PTPRH: variants seen among roughly 807,000 people sequenced by gnomAD.
The protein encoded by PTPRH is protein tyrosine phosphatase receptor type H.
PTPRH carries 113 observed loss-of-function variants against 130.2 expected under a neutral mutation model. The observed-to-expected ratio is 0.87, with a 90% CI of 0.75 to 1.01. The LOEUF is 1.01. Ranked by LOEUF, PTPRH falls within the 50% of genes least tolerant of loss-of-function variation. The probability of loss-of-function intolerance (pLI) is 0.00; values close to 1 mark genes in which losing one functional copy is unlikely to be tolerated. For synonymous variants in PTPRH, 556 were observed against 577.9 expected (o/e 0.96, Z 0.54); for missense variants, 1,430 against 1,425.0 (o/e 1.00, Z -0.06).
chr19:55,196,514 C>T lies in PTPRH; in HGVS notation c.2257+8G>A. 1.2e-6 allele frequency: 2 copies of T among 1,605,872 alleles called. No individual in the cohort carries two copies. Among genetic ancestry groups the T allele is most frequent in the Non-Finnish European group, 1.7e-6 (2 of 1,176,274 alleles). On this transcript the variant is annotated splice_region_variant and intron_variant, in intron 10 of 19. Transcript: ENST00000376350. ...TCATAGCTGGCTGGCCCGCGCGGCT[C>T]CGCTCACCTGCACTCTCGGTGTGGC...
rs764919795 is a variant in PTPRH at position 55,203,861 on chromosome 19, G to A, written c.807C>T (p.Pro269=). The change falls in exon 5 of 20, where the codon CCC becomes CCT. Residue 269 remains proline, a synonymous_variant. Coordinates refer to ENST00000376350, the MANE Select transcript of PTPRH (RefSeq NM_002842.5). ...DTRVTVDGLG[P]GSLYTCSVWV... ...ACACAGAACACGTATACAATGACCC[G>A]GGTCCAAGGCCATCCACGGTGACTC... 3.8e-5 allele frequency: 61 copies of A among 1,613,968 alleles called. No homozygotes were observed. Among genetic ancestry groups the A allele is most frequent in the Non-Finnish European group, 4.7e-5 (55 of 1,180,032 alleles).
In PTPRH at chr19:55,200,291, T is replaced by C. The variant is rs1283202923; in HGVS notation, c.1365A>G (p.Val455=). 1.9e-6 allele frequency: 3 copies of C among 1,614,084 alleles called. No homozygotes were observed. Among genetic ancestry groups the C allele is most frequent in the Admixed American group, 3.3e-5 (2 of 59,990 alleles). ...CACGTGCTCCATTTTTTTCTGCCCA[T>C]ACAGAGAATGTGTACAAGGTTCCGG... ...LEPGTLYTFS[V]WAEKNGARGS... The change falls in exon 7 of 20, where the codon GTA becomes GTG. Residue 455 remains valine, a synonymous_variant. Coordinates refer to ENST00000376350, the MANE Select transcript of PTPRH (RefSeq NM_002842.5).
At chr19:55,196,927 C>A in intron 9 of PTPRH, 139 bp from the exon 10 acceptor site, 1 of 1,260,912 alleles carries the variant, frequency 7.9e-7, no homozygotes. Flanking sequence ...CCTTTTCTGT[C>A]CTCCCCGAAT....
chr19:55,181,870 G>A lies in PTPRH; in HGVS notation c.3232C>T (p.Arg1078Trp), dbSNP rs367809853. 47 of 1,614,076 alleles carry A rather than the reference G, an allele frequency of 2.9e-5. No homozygotes were observed. Among genetic ancestry groups the A allele is most frequent in the Non-Finnish European group, 3.5e-5 (41 of 1,180,026 alleles). The change falls in exon 20 of 20, where the codon CGG becomes TGG. Residue 1078 changes from arginine to tryptophan, a missense_variant. By Grantham distance (101) the Arg-to-Trp change is moderately radical (BLOSUM62 -3). Coordinates refer to ENST00000376350, the MANE Select transcript of PTPRH (RefSeq NM_002842.5). ...QYVFLHQCILRFLQQSAQAPA... is the reference protein window; with the variant it reads ...QYVFLHQCILWFLQQSAQAPA... ...GCCTGGGCTGACTGTTGGAGGAACC[G>A]CAGGATGCACTGATGCAGGAATACG...
At chr19:55,207,225 G>A (rs1228239627) in intron 1 of PTPRH, 26 bp from the exon 2 acceptor site, 2 of 1,610,986 alleles carry the variant, frequency 1.2e-6, no homozygotes, top group Non-Finnish European at 1.7e-6. Context: ...AGAAAACGGA[G>A]TCAGCCTCTC....
chr19:55,186,033 T>G, intron 16 of PTPRH, 49 bp from the exon 17 acceptor site: 8 of 1,613,124 alleles, frequency 5.0e-6, no homozygotes, highest in Non-Finnish European at 6.8e-6. Context: ...TACCCAGGTC[T>G]GTGGGGTCTG....
In PTPRH at chr19:55,202,143, G is replaced by C. The variant is rs1269375573; in HGVS notation, c.1066C>G (p.Leu356Val). Residue 356 changes from leucine (L) to valine (V), a missense_variant, in exon 6 of 20, where the codon CTT becomes GTT. By Grantham distance (32) the Leu-to-Val change is conservative. Coordinates refer to ENST00000376350, the MANE Select transcript of PTPRH (RefSeq NM_002842.5). ...AACACATACAAACACCCGGGTTCAA[G>C]TCTATCCACGGTGATGTTGGTGTGT... ...TAHTNITVDR[L>V]EPGCLYVFSV... 2 of 1,614,202 alleles carry C rather than the reference G, an allele frequency of 1.2e-6. No homozygotes were observed. The highest frequency in any genetic ancestry group is 2.2e-5 in the South Asian group (2 of 91,078).
chr19:55,187,234 A>C (rs1160833360), intron 14 of PTPRH, among the ~76,000 whole-genome samples: 1 of 145,572 alleles, frequency 6.9e-6, no homozygotes, highest in Non-Finnish European at 1.5e-5. Flanking sequence ...AGTCCCAGCT[A>C]CTCGGGAGGC....
chr19:55,183,578 G>A (rs560999450), intron 18 of PTPRH, among the ~76,000 whole-genome samples: 7 of 151,704 alleles, frequency 4.6e-5, no homozygotes, highest in African/African-American at 1.7e-4. Context: ...ACCAAAATTA[G>A]CCAGGCGGGG....
At chr19:55,186,171 G>C in intron 16 of PTPRH, 54 bp downstream of exon 16, 3 of 1,579,892 alleles carry the variant, frequency 1.9e-6, no homozygotes, top group Non-Finnish European at 2.6e-6. Context: ...CATTGGATGA[G>C]TGTTCGGGGC....
At position 55,182,501 on chromosome 19, in the gene PTPRH, C is replaced by T. The variant is rs377174180; in HGVS notation, c.3063-350G>A. Among the ~76,000 whole-genome samples, 38 of 152,190 alleles carry T rather than the reference C, an allele frequency of 2.5e-4. No individual in the cohort carries two copies. The South Asian group carries it at 6.4e-3, about 26-fold the overall frequency. On this transcript the variant is annotated intron_variant, in intron 18 of 19. Coordinates refer to ENST00000376350, the MANE Select transcript of PTPRH (RefSeq NM_002842.5). Reference sequence around the variant, plus strand: ...TCACACCACTGCACTCCAGCCTGGGCGACAAGAGCAAAACTCCCATCTCAA... The same window carrying T: ...TCACACCACTGCACTCCAGCCTGGGTGACAAGAGCAAAACTCCCATCTCAA...
At chr19:55,187,886 C>T (rs1391186059) in intron 13 of PTPRH, among the ~76,000 whole-genome samples, 192 bp downstream of exon 13, 1 of 151,964 alleles carries the variant, frequency 6.6e-6, no homozygotes, top group African/African-American at 2.4e-5. Context: ...TACTTTAGGA[C>T]TGACCCACCA....
chr19:55,181,918 C>A lies in PTPRH; in HGVS notation c.3199-15G>T. On this transcript the variant is annotated splice_polypyrimidine_tract_variant and intron_variant, in intron 19 of 19. Coordinates refer to ENST00000376350, the MANE Select transcript of PTPRH (RefSeq NM_002842.5). ...ACGTACTGAGCCTGGGAAGCAGGCA[C>A]GGGAGTGAGAGGCGTCCCCCCAGGT... is the stretch of plus-strand genomic sequence containing the variant. 2 of 1,614,056 alleles carry A rather than the reference C, an allele frequency of 1.2e-6. No homozygotes were observed. Among genetic ancestry groups the A allele is most frequent in the Non-Finnish European group, 1.7e-6 (2 of 1,179,976 alleles).
chr19:55,186,132 G>A (rs1038398421), intron 16 of PTPRH, 93 bp downstream of exon 16: 5 of 1,569,072 alleles, frequency 3.2e-6, no homozygotes, highest in Non-Finnish European at 4.3e-6. Flanking sequence ...TACCCTGGAG[G>A]AATCCGTAAG....
At chr19:55,206,652 T>C (rs757416192) in intron 3 of PTPRH, 37 bp downstream of exon 3, 26 of 1,540,514 alleles carry the variant, frequency 1.7e-5, no homozygotes, top group Middle Eastern at 1.8e-4. Flanking sequence ...ACTGTCCTTA[T>C]AAAAGAAATA....
In PTPRH at chr19:55,202,291, C is replaced by A. The variant is rs1183764648; in HGVS notation, c.918G>T (p.Glu306Asp). 6.2e-7 allele frequency: 1 copy of A among 1,614,192 alleles called. No homozygotes were observed. Among genetic ancestry groups the A allele is most frequent in the Non-Finnish European group, 8.5e-7 (1 of 1,180,032 alleles). Residue 306 changes from glutamate (E) to aspartate (D), a missense_variant, in exon 6 of 20, where the codon GAG becomes GAT. Glu to Asp is a conservative substitution (Grantham distance 45, BLOSUM62 2). Coordinates refer to ENST00000376350, the MANE Select transcript of PTPRH (RefSeq NM_002842.5). ...GGGCGATGGAGCTGTTGGTCTGAGCCTCCACTGTCAGGTTTCTCACTGGGT... is the reference window on the plus strand; with the variant it reads ...GGGCGATGGAGCTGTTGGTCTGAGCATCCACTGTCAGGTTTCTCACTGGGT... ...APNPVRNLTV[E>D]AQTNSSIALT...
At chr19:55,181,943 T>C in intron 19 of PTPRH, 40 bp from the exon 20 acceptor site, 1 of 1,614,004 alleles carries the variant, frequency 6.2e-7, no homozygotes, top group Non-Finnish European at 8.5e-7. Flanking sequence ...TCCCCCCAGG[T>C]CTGAGCTGCG....
chr19:55,204,041 G>A lies in PTPRH; in HGVS notation c.627C>T (p.Asn209=). 6.2e-7 allele frequency: 1 copy of A among 1,611,176 alleles called. No homozygotes were observed. Among genetic ancestry groups the A allele is most frequent in the South Asian group, 1.1e-5 (1 of 90,858 alleles). The change falls in exon 5 of 20, where the codon AAC becomes AAT. Residue 209 remains asparagine (N), a synonymous_variant. Transcript: ENST00000376350. ...CCTCCACTCTCAGGTTCCTCACTGG[G>A]TTGTGAGCTGAGAAATTAGGAAGAA... The part of the protein sequence containing the change: ...RETRNATTAH[N]PVRNLRVEAQ...
rs1444507580 is a variant in PTPRH at position 55,206,974 on chromosome 19, G to A, written c.86-19C>T. ...TTGGGGGCTGAGAATTGGGAAGGAA[G>A]GTCTGACAAAAAGGGAACCAGGTCA... is the stretch of plus-strand genomic sequence containing the variant. On this transcript the variant is annotated intron_variant, in intron 2 of 19. Transcript: ENST00000376350. 4.5e-6 allele frequency: 7 copies of A among 1,569,686 alleles called. No homozygotes were observed. The African/African-American group carries it at 5.4e-5, about 12-fold the overall frequency.
Sources: gnomAD v4.1 joint callset for allele counts (sites outside exome capture counted in the v4.1 genomes callset) on GRCh38, gnomAD v4.1.1 for gene constraint, MANE v1.5 for transcripts, NCBI Gene and HGNC (gene_info 2026-07-23, HGNC 2026-07-21) for gene names.